Variants in TRHR observed in about 807,000 individuals in gnomAD.
TRHR encodes the protein thyrotropin releasing hormone receptor.
In TRHR, 14 loss-of-function variants were observed where a neutral mutation model predicts 28.0. That is an observed-to-expected ratio of 0.50 (90% CI 0.33 to 0.78). The LOEUF (loss-of-function observed/expected upper bound fraction) is 0.78. Among genes scored for constraint, TRHR ranks in the 30% least tolerant of loss-of-function variants. TRHR has a pLI of 0.02. For missense variants in TRHR, 438 were observed against 469.5 expected, an observed-to-expected ratio of 0.93 and a Z score of 0.62; for synonymous variants, 176 against 171.9, an observed-to-expected ratio of 1.02 and a Z score of -0.18.
intron 2 of TRHR, among the ~76,000 whole-genome samples, chr8:109,089,114 G>T (rs1324458748): frequency 6.6e-6 from 1 of 152,066 alleles, no homozygotes; most frequent in Non-Finnish European, 1.5e-5. Flanking sequence ...TTTATGAAAT[G>T]ATATAGGAAT....
chr8:109,105,110 G>A (rs190398889), intron 2 of TRHR, among the ~76,000 whole-genome samples: 5 of 152,212 alleles, frequency 3.3e-5, no homozygotes, highest in South Asian at 2.1e-4. Context: ...GCATGGTGGT[G>A]CTAAGGGATT....
intron 1 of TRHR, 98 bp from the exon 2 acceptor site, chr8:109,087,327 A>G (rs1811447024): frequency 1.5e-6 from 1 of 674,126 alleles, no homozygotes; most frequent in Non-Finnish European, 2.6e-6. Context: ...CCATAGAAAA[A>G]TGGGAAGTGA....
In TRHR at chr8:109,086,789, C is replaced by A. The variant is rs1016338808; in HGVS notation, c.-183C>A. 1.3e-5 allele frequency: 2 copies of A among 152,436 alleles called. No individual in the cohort carries two copies. The highest frequency in any genetic ancestry group is 4.8e-5 in the African/African-American group (2 of 41,412). 9.4% of individuals were successfully genotyped at this position (152,436 alleles called of 1,614,324 possible). On this transcript the variant is annotated 5_prime_UTR_variant, in exon 1 of 3. Coordinates refer to ENST00000518632, the MANE Select transcript of TRHR (RefSeq NM_003301.7). ...GAGCACTGCTAAGTGGTCTCCCTCTCAAATAGAGTAGACAAGATTTTCTGC... is the reference window on the plus strand; with the variant it reads ...GAGCACTGCTAAGTGGTCTCCCTCTAAAATAGAGTAGACAAGATTTTCTGC...
At chr8:109,110,386 G>T (rs1811812820) in intron 2 of TRHR, among the ~76,000 whole-genome samples, 1 of 150,532 alleles carries the variant, frequency 6.6e-6, no homozygotes. Context: ...TTGTCTGTGA[G>T]AAAAACAAAA....
At chr8:109,098,525 T>C (rs976037712) in intron 2 of TRHR, among the ~76,000 whole-genome samples, 4 of 152,148 alleles carry the variant, frequency 2.6e-5, no homozygotes, top group African/African-American at 7.2e-5. Context: ...CTACCATCAC[T>C]GTGCTGCCTG....
chr8:109,103,414 C>G (rs1481937620), intron 2 of TRHR, among the ~76,000 whole-genome samples: 4 of 152,182 alleles, frequency 2.6e-5, no homozygotes, highest in African/African-American at 9.6e-5. Context: ...TTGCTACTGC[C>G]TTGACCTCAA....
rs531467292 is a variant in TRHR at position 109,119,650 on chromosome 8, C to T, written c.*195C>T. Reference sequence around the variant, plus strand: ...CTTTCCTTCTTACAAACTAATATCACTAAAAATGGAGCAGATCTGTGAAAT... The same window carrying T: ...CTTTCCTTCTTACAAACTAATATCATTAAAAATGGAGCAGATCTGTGAAAT... On this transcript the variant is annotated 3_prime_UTR_variant, in exon 3 of 3. Transcript: ENST00000518632. 4.6e-5 allele frequency: 28 copies of T among 612,894 alleles called. No homozygotes were observed. The South Asian group carries it at 5.9e-4, about 13-fold the overall frequency. The allele number at this position is 612,894 out of a possible 1,614,324, so 38.0% of individuals were successfully genotyped here. A position where few individuals can be genotyped will look rare whatever the true frequency, so the allele number is the denominator to read the frequency against.
rs866171138 is a variant in TRHR at position 109,120,291 on chromosome 8, T to G, written c.*836T>G. On this transcript the variant is annotated 3_prime_UTR_variant, in exon 3 of 3. Coordinates refer to ENST00000518632, the MANE Select transcript of TRHR (RefSeq NM_003301.7). ...TCAAGACAAAGCAAGTATTTATAATTAGATTTTGCTTCTTCTCTGACGCTT... is the reference window on the plus strand; with the variant it reads ...TCAAGACAAAGCAAGTATTTATAATGAGATTTTGCTTCTTCTCTGACGCTT... Among the ~76,000 whole-genome samples, 2 of 151,958 alleles carry G rather than the reference T, an allele frequency of 1.3e-5. No homozygotes were observed. Among genetic ancestry groups the G allele is most frequent in the Non-Finnish European group, 2.9e-5 (2 of 67,914 alleles).
rs1255653544 is a variant in TRHR, at chr8:109,088,265, T to G, written c.753T>G (p.Asn251Lys). 5.0e-6 allele frequency: 8 copies of G among 1,613,860 alleles called. No homozygotes were observed. Among genetic ancestry groups the G allele is most frequent in the Non-Finnish European group, 6.8e-6 (8 of 1,180,018 alleles). ...CAAATCTGAATGTAAATACCTCTAA[T>G]AGATGTTTCAACAGCACAGTATCTT... ...QNTNLNVNTS[N>K]RCFNSTVSSR... Residue 251 changes from asparagine (N) to lysine (K), a missense_variant, in exon 2 of 3, where the codon AAT becomes AAG. Coordinates refer to ENST00000518632, the MANE Select transcript of TRHR (RefSeq NM_003301.7).
chr8:109,087,833 G>C lies in TRHR; in HGVS notation c.321G>C (p.Leu107Phe), dbSNP rs1414767946. The change falls in exon 2 of 3, where the codon TTG (leucine) becomes TTC (phenylalanine). Residue 107 changes from leucine (L) to phenylalanine (F), a missense_variant. Leu to Phe is a conservative substitution (Grantham distance 22). Transcript: ENST00000518632. ...GCLCITYLQY[L>F]GINASSCSIT... is the part of the protein sequence containing the mutation. ...TCTGCATTACTTACCTCCAGTATTT[G>C]GGAATTAATGCATCCTCTTGTTCAA... 7.4e-6 allele frequency: 12 copies of C among 1,614,018 alleles called. No individual in the cohort carries two copies. The highest frequency in any genetic ancestry group is 1.0e-5 in the Non-Finnish European group (12 of 1,180,038).
Position 109,120,198 on chromosome 8 carries a change from A to C in TRHR, c.*743A>C, listed in dbSNP as rs967395529. 2.6e-5 allele frequency among the ~76,000 whole-genome samples: 4 copies of C among 151,868 alleles called. No individual in the cohort carries two copies. Among genetic ancestry groups the C allele is most frequent in the African/African-American group, 7.2e-5 (3 of 41,402 alleles). ...AGCCTCCCACATGATGGGTGGAAAA[A>C]GGCAAAAGCCCAGATTAAGTAACTG... On this transcript the variant is annotated 3_prime_UTR_variant, in exon 3 of 3. Transcript: ENST00000518632.
intron 2 of TRHR, among the ~76,000 whole-genome samples, chr8:109,102,105 T>C (rs528309511): frequency 9.3e-4 from 142 of 152,170 alleles, no homozygotes; most frequent in Non-Finnish European, 1.6e-3. Context: ...GATTGCATAA[T>C]GTTGCTGAAT....
intron 2 of TRHR, among the ~76,000 whole-genome samples, chr8:109,118,803 TA>T (rs1811957656): frequency 6.6e-6 from 1 of 151,880 alleles, no homozygotes; most frequent in Non-Finnish European, 1.5e-5. Flanking sequence ...GAGTTGGCTA[TA>T]GGGGGAGCTA....
At chr8:109,104,690 G>A (rs913484455) in intron 2 of TRHR, among the ~76,000 whole-genome samples, 6 of 152,068 alleles carry the variant, frequency 3.9e-5, no homozygotes, top group African/African-American at 9.7e-5. Flanking sequence ...TTCTAAAGAT[G>A]AGGCAACATT....
intron 2 of TRHR, among the ~76,000 whole-genome samples, chr8:109,092,290 G>A (rs1013771561): frequency 6.6e-6 from 1 of 151,778 alleles, no homozygotes; most frequent in Non-Finnish European, 1.5e-5. Flanking sequence ...TTTTTACTAT[G>A]GAATTCACTT....
intron 2 of TRHR, among the ~76,000 whole-genome samples, chr8:109,118,550 C>T (rs556887886): frequency 6.6e-6 from 1 of 151,976 alleles, no homozygotes; most frequent in Non-Finnish European, 1.5e-5. Flanking sequence ...ACTCTGATTT[C>T]AGCCATAGCT....
intron 2 of TRHR, among the ~76,000 whole-genome samples, chr8:109,098,113 A>T (rs1811622377): frequency 6.6e-6 from 1 of 150,858 alleles, no homozygotes. Flanking sequence ...GCCTCCTTCC[A>T]ATCCCCCTGC....
intron 2 of TRHR, among the ~76,000 whole-genome samples, chr8:109,115,037 C>T (rs1272663310): frequency 6.6e-6 from 1 of 151,960 alleles, no homozygotes; most frequent in Non-Finnish European, 1.5e-5. Context: ...TTCTCAAGGA[C>T]CTTTAAATCT....
At chr8:109,097,377 T>C (rs1211026582) in intron 2 of TRHR, among the ~76,000 whole-genome samples, 1 of 152,196 alleles carries the variant, frequency 6.6e-6, no homozygotes, top group African/African-American at 2.4e-5. Flanking sequence ...TTCAACACCC[T>C]TTAAAATATG....
Sources: allele counts gnomAD v4.1 joint callset (sites outside exome capture counted in the v4.1 genomes callset), GRCh38; gene constraint gnomAD v4.1.1; transcripts MANE v1.5; gene names NCBI Gene and HGNC (gene_info 2026-07-23, HGNC 2026-07-21).